Variants in STK38L observed in about 807,000 individuals in gnomAD.
STK38L encodes the protein serine/threonine kinase 38 like, also known as serine/threonine-protein kinase 38-like.
Under a neutral mutation model 59.7 loss-of-function variants are expected in STK38L, and 28 were observed. That is an observed-to-expected ratio of 0.47 (90% CI 0.35 to 0.64). The LOEUF is 0.64. Ranked by LOEUF, STK38L falls within the 30% of genes least tolerant of loss-of-function variation. The probability of loss-of-function intolerance (pLI) is 0.01; values close to 1 mark genes in which losing one functional copy is unlikely to be tolerated. For missense variants in STK38L, 314 were observed against 555.8 expected (o/e 0.56, Z 4.37); for synonymous variants, 162 against 176.8 (o/e 0.92, Z 0.66).
chr12:27,325,851 T>G lies in STK38L; in HGVS notation c.*3396T>G, dbSNP rs1251193052. 6.6e-6 allele frequency: 1 copy of G among 152,192 alleles called. No individual in the cohort carries two copies. The allele number at this position is 152,192 out of a possible 1,614,324, so 9.4% of individuals were successfully genotyped here. On this transcript the variant is annotated 3_prime_UTR_variant, in exon 14 of 14. Coordinates refer to ENST00000389032, the MANE Select transcript of STK38L (RefSeq NM_015000.4). ...CAGCAATTGTCTAGAAAAGTAATCA[T>G]GAGGCTACTGAGTTTGGTGTTCAGT...
chr12:27,309,746 G>A (rs908534505), intron 5 of STK38L, among the ~76,000 whole-genome samples: 4 of 152,152 alleles, frequency 2.6e-5, no homozygotes, highest in Non-Finnish European at 5.9e-5. Context: ...GTAGATGCAT[G>A]AACATTCAGT....
At chr12:27,245,616 CAATT>C (rs1346440895) in intron 1 of STK38L, 1 of 152,048 alleles carries the variant, frequency 6.6e-6, no homozygotes, top group Non-Finnish European at 1.5e-5. Context: ...ATATGTAAAA[CAATT>C]AAGTTTATTA....
Position 27,308,390 on chromosome 12 carries a change from C to T in STK38L, c.238C>T (p.Leu80Phe). The change falls in exon 4 of 14, where the codon CTC becomes TTC. Residue 80 changes from leucine (L) to phenylalanine (F), a missense_variant. Transcript: ENST00000389032. The surrounding 1 kb of genome is among the most constrained non-coding windows in gnomAD (Gnocchi z 4.5). The part of the protein sequence containing the change: ...HARKETEFLR[L>F]KRTRLGLDDF... ...TCGCAAAGAAACAGAGTTCTTACGGCTCAAAAGGACCAGACTTGGCTTGGA... is the reference window on the plus strand; with the variant it reads ...TCGCAAAGAAACAGAGTTCTTACGGTTCAAAAGGACCAGACTTGGCTTGGA... 6.3e-7 allele frequency: 1 copy of T among 1,599,332 alleles called. No homozygotes were observed. Among genetic ancestry groups the T allele is most frequent in the Non-Finnish European group, 8.5e-7 (1 of 1,171,350 alleles).
intron 1 of STK38L, among the ~76,000 whole-genome samples, chr12:27,265,899 A>C (rs1342485358): frequency 1.3e-5 from 2 of 152,154 alleles, no homozygotes; most frequent in East Asian, 3.8e-4. Flanking sequence ...CTGAACCTAT[A>C]AGGCTGAGGA....
rs185994499 is a variant in STK38L, at chr12:27,287,896, T to G, written c.-11-9814T>G. Among the ~76,000 whole-genome samples, 156 of 152,306 alleles carry G rather than the reference T, an allele frequency of 1.0e-3. 1 individual carries two copies. The highest frequency in any genetic ancestry group is 3.4e-3 in the Middle Eastern group (1 of 294). ...TTAAAATCAAGGTTTGGTTTGGTTT[T>G]GTTTGAGACAGAGTCTCGCTCTGTC... On this transcript the variant is annotated intron_variant, in intron 1 of 13. Coordinates refer to ENST00000389032, the MANE Select transcript of STK38L (RefSeq NM_015000.4).
At chr12:27,287,772 A>G (rs1943806293) in intron 1 of STK38L, among the ~76,000 whole-genome samples, 2 of 152,000 alleles carry the variant, frequency 1.3e-5, no homozygotes, top group South Asian at 4.1e-4. Flanking sequence ...TTTCCCCTAA[A>G]TGGATACCCA....
chr12:27,322,210 C>A lies in STK38L; in HGVS notation c.1243C>A (p.Pro415Thr). The A allele has an allele frequency of 6.2e-7, 1 of 1,613,754 alleles. No individual in the cohort carries two copies. Among genetic ancestry groups the A allele is most frequent in the Non-Finnish European group, 8.5e-7 (1 of 1,179,870 alleles). The part of the protein sequence containing the change: ...IDDTSNFDDF[P>T]ESDILQPVPN... ...TGATACTTCAAATTTTGATGACTTC[C>A]CTGAATCTGATATTTTACAACCAGG... is the stretch of plus-strand genomic sequence containing the variant. Residue 415 changes from proline (P) to threonine (T), a missense_variant, in exon 13 of 14, where the codon CCT becomes ACT. Coordinates refer to ENST00000389032, the MANE Select transcript of STK38L (RefSeq NM_015000.4).
chr12:27,298,111 G>T, intron 2 of STK38L: 1 of 360,934 alleles, frequency 2.8e-6, no homozygotes. Context: ...TTCCAAACAT[G>T]AAATTATGAT....
intron 1 of STK38L, among the ~76,000 whole-genome samples, chr12:27,247,542 A>G (rs902232181): frequency 1.3e-5 from 2 of 152,252 alleles, no homozygotes; most frequent in African/African-American, 4.8e-5. Context: ...CAGATTAAAT[A>G]TAACTATTGA....
chr12:27,285,387 A>G (rs71452043), intron 1 of STK38L, among the ~76,000 whole-genome samples: 15,828 of 152,140 alleles, frequency 0.1, 853 homozygotes, highest in African/African-American at 0.13. Context: ...TATATTTGAA[A>G]TTTTTATTTT....
chr12:27,314,734 A>G, intron 7 of STK38L, 76 bp downstream of exon 7: 1 of 1,451,656 alleles, frequency 6.9e-7, no homozygotes, highest in Non-Finnish European at 9.2e-7. Flanking sequence ...GTGAATGGAA[A>G]TCAGCAACTG....
rs1020303109 is a variant in STK38L at position 27,271,465 on chromosome 12, G to A, written c.-11-26245G>A. ...TTTGGTTCCTCATGAGTGGATGCTG[G>A]CCTCTGAAGGATTTCAGAAAATTCA... On this transcript the variant is annotated intron_variant, in intron 1 of 13. Transcript: ENST00000389032. Among the ~76,000 whole-genome samples, 6 of 152,244 alleles carry A rather than the reference G, an allele frequency of 3.9e-5. No homozygotes were observed. In the East Asian group the frequency reaches 1.2e-3, roughly 29 times the overall value.
intron 2 of STK38L, among the ~76,000 whole-genome samples, chr12:27,301,859 T>C (rs1944181955): frequency 6.6e-6 from 1 of 152,324 alleles, no homozygotes; most frequent in Non-Finnish European, 1.5e-5. Context: ...GAGTTTTCCA[T>C]ATTAGAACAT....
intron 1 of STK38L, among the ~76,000 whole-genome samples, chr12:27,262,012 C>G (rs1261159725): frequency 3.3e-5 from 5 of 152,226 alleles, no homozygotes; most frequent in Non-Finnish European, 5.9e-5. Context: ...GCAGCGGCAG[C>G]AGATCTCTGG....
At chr12:27,274,855 A>T (rs1943499243) in intron 1 of STK38L, among the ~76,000 whole-genome samples, 1 of 152,240 alleles carries the variant, frequency 6.6e-6, no homozygotes. Flanking sequence ...CCAAGAAGGC[A>T]TTCTAACAGT....
intron 2 of STK38L, among the ~76,000 whole-genome samples, chr12:27,301,084 T>G (rs911324988): frequency 6.6e-6 from 1 of 152,198 alleles, no homozygotes; most frequent in Non-Finnish European, 1.5e-5. Context: ...CACTTGGAAA[T>G]GAGTTGCAAA....
At chr12:27,259,265 C>G (rs1298342061) in intron 1 of STK38L, among the ~76,000 whole-genome samples, 1 of 152,152 alleles carries the variant, frequency 6.6e-6, no homozygotes, top group Non-Finnish European at 1.5e-5. Context: ...AGTACTTTGT[C>G]TCCTGTCTTA....
At chr12:27,251,653 T>C (rs978963710) in intron 1 of STK38L, among the ~76,000 whole-genome samples, 1 of 152,262 alleles carries the variant, frequency 6.6e-6, no homozygotes, top group Admixed American at 6.5e-5. Flanking sequence ...AGTGCTGAAA[T>C]AAATGATATA....
chr12:27,270,676 C>T (rs1439130313), intron 1 of STK38L, among the ~76,000 whole-genome samples: 3 of 152,000 alleles, frequency 2.0e-5, no homozygotes, highest in African/African-American at 7.3e-5. Context: ...CCGCACCCAG[C>T]GCTTTTAAAT....
Sources: allele counts gnomAD v4.1 joint callset (sites outside exome capture counted in the v4.1 genomes callset), GRCh38; gene constraint gnomAD v4.1.1; non-coding constraint Gnocchi (gnomAD v3.1); transcripts MANE v1.5; gene names NCBI Gene and HGNC (gene_info 2026-07-23, HGNC 2026-07-21).